The following MTUS1 variants were observed in gnomAD, a reference collection of about 807,000 sequenced individuals.
MTUS1 encodes microtubule-associated tumor suppressor 1.
Under a neutral mutation model 120.8 loss-of-function variants are expected in MTUS1, and 109 were observed. The observed-to-expected ratio is 0.90, with a 90% CI of 0.77 to 1.06. The LOEUF is 1.06. Among genes scored for constraint, MTUS1 ranks in the 50% least tolerant of loss-of-function variants. The pLI is 0.00. For missense variants in MTUS1, 2,210 were observed against 1,486.3 expected, an observed-to-expected ratio of 1.49 and a Z score of -8.01; for synonymous variants, 737 against 550.5, an observed-to-expected ratio of 1.34 and a Z score of -4.74.
At chr8:17,696,078 T>C (rs372631) in intron 6 of MTUS1, among the ~76,000 whole-genome samples, 41,894 of 152,048 alleles carry the variant, frequency 0.28, 6,147 homozygotes, top group East Asian at 0.55. Flanking sequence ...CCCTTTGTTA[T>C]TTTTCCCCCC....
rs1805626321 is a variant in MTUS1 at position 17,645,644 on chromosome 8, A to C, written c.*282T>G. 3.3e-6 allele frequency: 1 copy of C among 299,322 alleles called. No homozygotes were observed. The highest frequency in any genetic ancestry group is 2.2e-5 in the African/African-American group (1 of 45,984). The allele number at this position is 299,322 out of a possible 1,614,324, so 18.5% of individuals were successfully genotyped here. On this transcript the variant is annotated 3_prime_UTR_variant, in exon 15 of 15. Coordinates refer to ENST00000693296, the MANE Select transcript of MTUS1 (RefSeq NM_001363059.2). ...TGCTTAGGTGAAAAAGGCAATGAAC[A>C]AGATGCTCTCGTTCTTTAAGTGCTT...
intron 6 of MTUS1, among the ~76,000 whole-genome samples, chr8:17,709,687 G>C (rs1472703270): frequency 1.3e-5 from 2 of 152,042 alleles, no homozygotes; most frequent in African/African-American, 2.4e-5. Context: ...ATAGTCTAGT[G>C]TGCAACAGCA....
intron 2 of MTUS1, among the ~76,000 whole-genome samples, chr8:17,747,413 C>G (rs1237304488): frequency 6.6e-6 from 1 of 152,172 alleles, no homozygotes; most frequent in Non-Finnish European, 1.5e-5. Context: ...GCAGTCTACT[C>G]ACACTCCCAA....
At position 17,715,888 on chromosome 8, in the gene MTUS1, A is replaced by T; in HGVS notation, c.2463T>A (p.Ala821=). The part of the protein sequence containing the change: ...STYSNNSGNA[A]VIKYEEKPPK... Reference sequence around the variant, plus strand: ...GAGGTTTCTCCTCATATTTGATGACAGCGGCATTACCAGCTGTAATAAAAC... The same window carrying T: ...GAGGTTTCTCCTCATATTTGATGACTGCGGCATTACCAGCTGTAATAAAAC... The change falls in exon 5 of 15, where the codon GCT becomes GCA. Residue 821 remains alanine (A), a synonymous_variant. Coordinates refer to ENST00000693296, the MANE Select transcript of MTUS1 (RefSeq NM_001363059.2). The T allele has an allele frequency of 6.2e-7, 1 of 1,612,484 alleles. No homozygotes were observed. The highest frequency in any genetic ancestry group is 1.7e-5 in the Admixed American group (1 of 59,454).
chr8:17,771,669 C>A (rs79141792), intron 1 of MTUS1, among the ~76,000 whole-genome samples: 3,316 of 152,284 alleles, frequency 0.022, 116 homozygotes, highest in African/African-American at 0.075. Flanking sequence ...GCAGTCTACG[C>A]ATGAAAACAA....
intron 4 of MTUS1, among the ~76,000 whole-genome samples, chr8:17,718,202 C>T (rs1480462557): frequency 1.3e-5 from 2 of 152,192 alleles, no homozygotes; most frequent in Admixed American, 1.3e-4. Flanking sequence ...ATTTCCCCTG[C>T]CCTCTATTTC....
intron 3 of MTUS1, among the ~76,000 whole-genome samples, chr8:17,726,994 C>T (rs1336228083): frequency 1.3e-5 from 2 of 152,128 alleles, no homozygotes; most frequent in South Asian, 2.1e-4. Flanking sequence ...CTGGGAATTA[C>T]TACAGAAGAC....
At chr8:17,654,712 T>C (rs1380287809) in intron 9 of MTUS1, 46 bp from the exon 10 acceptor site, 2 of 1,393,116 alleles carry the variant, frequency 1.4e-6, no homozygotes, top group Non-Finnish European at 2.0e-6. Flanking sequence ...AAACCAAATG[T>C]CCTAAGTTGA....
intron 3 of MTUS1, among the ~76,000 whole-genome samples, chr8:17,739,834 T>G (rs2047182604): frequency 6.6e-6 from 1 of 152,222 alleles, no homozygotes; most frequent in Non-Finnish European, 1.5e-5. Flanking sequence ...TTTTCATCAC[T>G]ATCTCATCTT....
chr8:17,659,586 C>G lies in MTUS1; in HGVS notation c.2906-3521G>C, dbSNP rs555880016. Among the ~76,000 whole-genome samples the G allele has an allele frequency of 8.5e-5, 13 of 152,124 alleles. No individual in the cohort carries two copies. The South Asian group carries it at 2.5e-3, about 29-fold the overall frequency. ...GTGTGTGCCTGTAGTCCCAGCTACT[C>G]AGCAGGCTGAGTGAGGCAGGAGAAT... On this transcript the variant is annotated intron_variant, in intron 8 of 14. Transcript: ENST00000693296.
intron 7 of MTUS1, among the ~76,000 whole-genome samples, chr8:17,678,402 T>C (rs1813551327): frequency 6.6e-6 from 1 of 150,928 alleles, no homozygotes; most frequent in African/African-American, 2.4e-5. Context: ...TAAAGATGCC[T>C]TTATGCTCAG....
chr8:17,772,255 C>G (rs762082034), intron 1 of MTUS1, among the ~76,000 whole-genome samples: 1 of 152,152 alleles, frequency 6.6e-6, no homozygotes, highest in Non-Finnish European at 1.5e-5. Context: ...AAACTAGACA[C>G]ACATGTACAA....
intron 8 of MTUS1, among the ~76,000 whole-genome samples, chr8:17,668,035 T>G (rs1585537970): frequency 6.6e-6 from 1 of 152,180 alleles, no homozygotes; most frequent in South Asian, 2.1e-4. Context: ...TCAGGACTAA[T>G]GTATAAAAAG....
intron 1 of MTUS1, among the ~76,000 whole-genome samples, chr8:17,789,287 T>C (rs1229884392): frequency 6.6e-6 from 1 of 152,172 alleles, no homozygotes; most frequent in African/African-American, 2.4e-5. Flanking sequence ...CGCCTTGGCC[T>C]CCCAAAGTGC....
chr8:17,651,475 G>A (rs977726306), intron 12 of MTUS1: 1 of 151,044 alleles, frequency 6.6e-6, no homozygotes, highest in Non-Finnish European at 1.5e-5. Flanking sequence ...CAAATACTAA[G>A]TATCAATTTT....
At chr8:17,657,884 T>C (rs1386341403) in intron 8 of MTUS1, among the ~76,000 whole-genome samples, 2 of 150,926 alleles carry the variant, frequency 1.3e-5, no homozygotes, top group African/African-American at 4.9e-5. Flanking sequence ...TGCACGTATA[T>C]ATGCATACAT....
At chr8:17,706,670 T>A (rs567400342) in intron 6 of MTUS1, among the ~76,000 whole-genome samples, 15 of 152,332 alleles carry the variant, frequency 9.8e-5, no homozygotes, top group African/African-American at 3.6e-4. Context: ...TGTGATTTCC[T>A]GATACTACTT....
At chr8:17,682,667 G>C (rs547232990) in intron 7 of MTUS1, among the ~76,000 whole-genome samples, 23 of 152,244 alleles carry the variant, frequency 1.5e-4, no homozygotes, top group African/African-American at 5.3e-4. Flanking sequence ...CTGACGTCAT[G>C]AGGAGGATGA....
In MTUS1 at chr8:17,759,773, T is replaced by G. The variant is rs188598005; in HGVS notation, c.-154-3812A>C. 3.3e-3 allele frequency among the ~76,000 whole-genome samples: 504 copies of G among 151,608 alleles called. 4 individuals carry two copies. The highest frequency in any genetic ancestry group is 0.012 in the African/African-American group (479 of 41,474). On this transcript the variant is annotated intron_variant, in intron 1 of 14. Coordinates refer to ENST00000693296, the MANE Select transcript of MTUS1 (RefSeq NM_001363059.2). ...ACTATAAAAACATTTTTAACGGTTGTGAAACGCCACTAAAGTTAAGGTTAA... is the reference window on the plus strand; with the variant it reads ...ACTATAAAAACATTTTTAACGGTTGGGAAACGCCACTAAAGTTAAGGTTAA...
Sources: allele counts gnomAD v4.1 joint callset (sites outside exome capture counted in the v4.1 genomes callset), GRCh38; gene constraint gnomAD v4.1.1; transcripts MANE v1.5; gene names NCBI Gene and HGNC (gene_info 2026-07-23, HGNC 2026-07-21).